The following MAPKAPK5 variants were observed in gnomAD, a reference collection of about 807,000 sequenced individuals.
MAPKAPK5 encodes MAP kinase-activated protein kinase 5.
In MAPKAPK5, 30 loss-of-function variants were observed where a neutral mutation model predicts 65.1. The ratio of observed to expected loss-of-function variants is 0.46; its 90% confidence interval spans 0.34 to 0.63. The LOEUF (loss-of-function observed/expected upper bound fraction) is 0.63. MAPKAPK5 is among the 20% of genes least tolerant of loss of function. MAPKAPK5 has a pLI of 0.01. For synonymous variants in MAPKAPK5, 179 were observed against 204.6 expected (o/e 0.87, Z 1.07); for missense variants, 433 against 581.4 (o/e 0.74, Z 2.63).
At chr12:111,855,102 G>A (rs1445247827) in intron 1 of MAPKAPK5, among the ~76,000 whole-genome samples, 6 of 152,018 alleles carry the variant, frequency 3.9e-5, no homozygotes, top group African/African-American at 1.2e-4. Context: ...TTTGATTTCT[G>A]TAAAGTCAAT....
chr12:111,864,757 G>GTTACTAT (rs969568876), intron 1 of MAPKAPK5, among the ~76,000 whole-genome samples: 2 of 152,080 alleles, frequency 1.3e-5, no homozygotes, highest in Non-Finnish European at 2.9e-5. Context: ...ATATTGATTA[G>GTTACTAT]TTACTATTTT....
intron 1 of MAPKAPK5, among the ~76,000 whole-genome samples, chr12:111,850,434 G>C (rs1056342256): frequency 6.6e-6 from 1 of 152,156 alleles, no homozygotes. Context: ...AAAAGTCATT[G>C]TGTCTTAAAA....
chr12:111,865,209 A>G, intron 1 of MAPKAPK5, 41 bp from the exon 2 acceptor site: 1 of 1,283,816 alleles, frequency 7.8e-7, no homozygotes, highest in Non-Finnish European at 1.1e-6. Context: ...TTGTTAACTG[A>G]GGAATCATTC....
intron 7 of MAPKAPK5, 140 bp from the exon 8 acceptor site, chr12:111,880,307 G>T: frequency 1.5e-6 from 1 of 684,820 alleles, no homozygotes. Flanking sequence ...TTTTGGAAGT[G>T]TAGTGTTTAT....
At chr12:111,848,530 C>T (rs2136065981) in intron 1 of MAPKAPK5, among the ~76,000 whole-genome samples, 1 of 151,828 alleles carries the variant, frequency 6.6e-6, no homozygotes, top group Admixed American at 6.6e-5. Flanking sequence ...TCTCCCGTCT[C>T]AGCCTCCCGA....
Position 111,867,654 on chromosome 12 carries a change from A to C in MAPKAPK5, c.269A>C (p.His90Pro). 6.2e-7 allele frequency: 1 copy of C among 1,613,692 alleles called. No homozygotes were observed. The highest frequency in any genetic ancestry group is 8.5e-7 in the Non-Finnish European group (1 of 1,179,690). Residue 90 changes from histidine to proline, a missense_variant, in exon 4 of 14, where the codon CAT becomes CCT. By Grantham distance (77) the His-to-Pro change is moderately conservative. Coordinates refer to ENST00000550735, the MANE Select transcript of MAPKAPK5 (RefSeq NM_003668.4). ...EVFANSVQFP[H>P]ESSPRARLLI... ...TTTGCTAACAGTGTCCAGTTTCCCC[A>C]TGAGTCCAGCCCTAGGTAAGACTAC...
chr12:111,844,986 T>A (rs2068861749), intron 1 of MAPKAPK5, among the ~76,000 whole-genome samples: 1 of 152,200 alleles, frequency 6.6e-6, no homozygotes, highest in Non-Finnish European at 1.5e-5. Context: ...AACTTTGGGT[T>A]TGACCCTGAT....
At chr12:111,870,397 C>A in intron 6 of MAPKAPK5, 37 bp downstream of exon 6, 1 of 1,535,910 alleles carries the variant, frequency 6.5e-7, no homozygotes, top group Non-Finnish European at 9.0e-7. Context: ...AGTGCTGCAA[C>A]TCTTAACATA....
rs1196511949 is a variant in MAPKAPK5, at chr12:111,867,616, G to C, written c.231G>C (p.Gln77His). The C allele has an allele frequency of 1.2e-6, 2 of 1,613,992 alleles. No individual in the cohort carries two copies. The highest frequency in any genetic ancestry group is 1.7e-6 in the Non-Finnish European group (2 of 1,179,898). ...MMCATHPNIVQIIEVFANSVQ... is the reference protein window; with the variant it reads ...MMCATHPNIVHIIEVFANSVQ... ...GTGCCACACACCCAAACATAGTTCAGATTATTGAAGTGTTTGCTAACAGTG... is the reference window on the plus strand; with the variant it reads ...GTGCCACACACCCAAACATAGTTCACATTATTGAAGTGTTTGCTAACAGTG... Residue 77 changes from glutamine to histidine, a missense_variant, in exon 4 of 14, where the codon CAG (glutamine) becomes CAC (histidine). Physicochemically the swap from Gln to His is conservative, Grantham distance 24 (BLOSUM62 0). Around this residue, in one of 3 missense-constraint regions of MAPKAPK5, gnomAD observed 165 missense variants for 180.0 expected, o/e 0.92. Coordinates refer to ENST00000550735, the MANE Select transcript of MAPKAPK5 (RefSeq NM_003668.4).
chr12:111,884,446 A>G (rs2070338595), intron 9 of MAPKAPK5, among the ~76,000 whole-genome samples: 1 of 152,198 alleles, frequency 6.6e-6, no homozygotes, highest in Non-Finnish European at 1.5e-5. Flanking sequence ...ACTGATCTCA[A>G]GCGATCTGCC....
chr12:111,867,467 GA>G, intron 3 of MAPKAPK5, 104 bp from the exon 4 acceptor site: 2 of 733,114 alleles, frequency 2.7e-6, no homozygotes, highest in South Asian at 3.8e-5. Context: ...CATTCTAAGT[GA>G]TAAAGTTTTT....
chr12:111,900,527 A>AT lies in MAPKAPK5; in HGVS notation c.*7469dup. 4.4e-6 allele frequency: 2 copies of AT among 456,114 alleles called. No individual in the cohort carries two copies. Among genetic ancestry groups the AT allele is most frequent in the Non-Finnish European group, 8.8e-6 (2 of 226,810 alleles). The allele number at this position is 456,114 out of a possible 1,614,324, so 28.3% of individuals were successfully genotyped here. A position where few individuals can be genotyped will look rare whatever the true frequency, so the allele number is the denominator to read the frequency against. On this transcript the variant is annotated 3_prime_UTR_variant, in exon 14 of 14. Coordinates refer to ENST00000550735, the MANE Select transcript of MAPKAPK5 (RefSeq NM_003668.4). ...TTCGAGAACACAAAGGGGCCTGCCT[A>AT]TTTAACAAGCCACGGCCCAGGGGCC...
intron 7 of MAPKAPK5, among the ~76,000 whole-genome samples, chr12:111,877,217 C>T (rs2136127837): frequency 6.6e-6 from 1 of 152,280 alleles, no homozygotes; most frequent in Non-Finnish European, 1.5e-5. Flanking sequence ...CAGGGTTTCG[C>T]CATGTTGTTC....
chr12:111,890,351 C>T (rs941294331), intron 13 of MAPKAPK5, among the ~76,000 whole-genome samples: 1 of 152,118 alleles, frequency 6.6e-6, no homozygotes, highest in African/African-American at 2.4e-5. Context: ...ACTTATTTTC[C>T]GGAGTTCAAG....
chr12:111,878,032 G>T (rs1480500556), intron 7 of MAPKAPK5, among the ~76,000 whole-genome samples: 3 of 150,046 alleles, frequency 2.0e-5, no homozygotes, highest in Non-Finnish European at 4.4e-5. Flanking sequence ...ACTCTCCCAG[G>T]TTGTCAAGAG....
intron 12 of MAPKAPK5, chr12:111,889,791 C>T (rs1245241648): frequency 5.1e-6 from 2 of 393,862 alleles, no homozygotes; most frequent in Non-Finnish European, 9.5e-6. Flanking sequence ...AGCCTATTTC[C>T]CATCCCCTGG....
intron 2 of MAPKAPK5, among the ~76,000 whole-genome samples, chr12:111,865,586 C>T (rs577847657): frequency 2.4e-4 from 36 of 151,838 alleles, no homozygotes; most frequent in Non-Finnish European, 3.7e-4. Flanking sequence ...GCCTGTTATC[C>T]CAGAACTTTG....
intron 7 of MAPKAPK5, among the ~76,000 whole-genome samples, chr12:111,877,131 C>T (rs2070011123): frequency 6.6e-6 from 1 of 152,246 alleles, no homozygotes; most frequent in Middle Eastern, 3.4e-3. Flanking sequence ...GATTCTACTT[C>T]CTCAGCCTCC....
Position 111,893,121 on chromosome 12 carries a change from T to C in MAPKAPK5, c.*60T>C. 1.7e-6 allele frequency: 2 copies of C among 1,162,676 alleles called. No homozygotes were observed. The highest frequency in any genetic ancestry group is 2.4e-6 in the Non-Finnish European group (2 of 824,934). 72.0% of individuals were successfully genotyped at this position (1,162,676 alleles called of 1,614,324 possible). A position where few individuals can be genotyped will look rare whatever the true frequency, so the allele number is the denominator to read the frequency against. On this transcript the variant is annotated 3_prime_UTR_variant, in exon 14 of 14. Coordinates refer to ENST00000550735, the MANE Select transcript of MAPKAPK5 (RefSeq NM_003668.4). ...AAAAATTATTCTTTAATGTATAAAGTAATTTTATGTAAATTAATAAATCAT... is the reference window on the plus strand; with the variant it reads ...AAAAATTATTCTTTAATGTATAAAGCAATTTTATGTAAATTAATAAATCAT...
Sources: allele counts gnomAD v4.1 joint callset (sites outside exome capture counted in the v4.1 genomes callset), GRCh38; gene constraint gnomAD v4.1.1; regional missense constraint gnomAD v4.1.1; transcripts MANE v1.5; gene names NCBI Gene and HGNC (gene_info 2026-07-23, HGNC 2026-07-21).